Variants in CPS1 observed in about 807,000 individuals in gnomAD.
CPS1 encodes carbamoyl-phosphate synthase 1.
A neutral mutation model predicts 174.6 loss-of-function variants in CPS1; 109 were observed. The observed-to-expected ratio is 0.62, with a 90% CI of 0.53 to 0.73. The LOEUF (loss-of-function observed/expected upper bound fraction) is 0.73, where lower values mean the gene tolerates loss of function less well. Among genes scored for constraint, CPS1 ranks in the 30% least tolerant of loss-of-function variants. The probability of loss-of-function intolerance (pLI) is 0.00; values close to 1 mark genes in which losing one functional copy is unlikely to be tolerated. For synonymous variants in CPS1, 637 were observed against 632.0 expected, an observed-to-expected ratio of 1.01 and a Z score of -0.12; for missense variants, 1,689 against 1,821.9, an observed-to-expected ratio of 0.93 and a Z score of 1.33.
rs147288182 is a variant in CPS1 at position 210,606,999 on chromosome 2, A to G, written c.2192+58A>G. On this transcript the variant is annotated intron_variant, in intron 18 of 37. Coordinates refer to ENST00000233072, the MANE Select transcript of CPS1 (RefSeq NM_001875.5). ...GATTCTTTTCAGATAGAAATGAAAA[A>G]TTGACAGATAGTGGAAGACTGTACT... 4,542 of 1,494,758 alleles carry G rather than the reference A, an allele frequency of 3.0e-3. 13 individuals are homozygous for G. The highest frequency in any genetic ancestry group is 4.8e-3 in the Middle Eastern group (21 of 4,406). The allele number at this position is 1,494,758 out of a possible 1,614,324, so 92.6% of individuals were successfully genotyped here.
intron 1 of CPS1, among the ~76,000 whole-genome samples, chr2:210,527,733 A>G (rs912751596): frequency 1.4e-4 from 21 of 151,884 alleles, no homozygotes; most frequent in African/African-American, 4.8e-4. Flanking sequence ...TTACCCATGA[A>G]GTATCGTGGT....
intron 1 of CPS1, among the ~76,000 whole-genome samples, chr2:210,519,307 C>A (rs772338357): frequency 6.6e-5 from 10 of 152,018 alleles, no homozygotes; most frequent in African/African-American, 1.2e-4. Flanking sequence ...AATGAATAGA[C>A]TATGTGCATC....
intron 1 of CPS1, among the ~76,000 whole-genome samples, chr2:210,534,694 G>A (rs1226472747): frequency 2.0e-5 from 3 of 152,156 alleles, no homozygotes; most frequent in African/African-American, 7.2e-5. Context: ...TTCTGTTACT[G>A]AACTTAGGTC....
chr2:210,589,418 C>G (rs1391527395), intron 7 of CPS1, among the ~76,000 whole-genome samples: 1 of 151,866 alleles, frequency 6.6e-6, no homozygotes, highest in African/African-American at 2.4e-5. Context: ...TGAGAAAACC[C>G]TAGGAAAGAA....
intron 1 of CPS1, among the ~76,000 whole-genome samples, chr2:210,537,567 G>T (rs745485956): frequency 2.0e-5 from 3 of 152,218 alleles, no homozygotes; most frequent in Non-Finnish European, 2.9e-5. Context: ...TTCAAGTGCT[G>T]TTTAATTGCA....
At chr2:210,635,931 C>G (rs1700030871) in intron 21 of CPS1, among the ~76,000 whole-genome samples, 1 of 140,370 alleles carries the variant, frequency 7.1e-6, no homozygotes, top group Admixed American at 6.9e-5. Flanking sequence ...AGGGAAATAG[C>G]CATTATATAC....
chr2:210,512,925 TATATATATATGGAGAG>T lies in CPS1; in HGVS notation c.3+35175_3+35190del, dbSNP rs1263662916. Among the ~76,000 whole-genome samples, 88 of 60,340 alleles carry T rather than the reference TATATATATATGGAGAG, an allele frequency of 1.5e-3. 16 individuals carry two copies. Among genetic ancestry groups the T allele is most frequent in the African/African-American group, 3.5e-3 (55 of 15,894 alleles). 39.6% of individuals were successfully genotyped at this position (60,340 alleles called of 152,430 possible). ...ATATATGGAGATATATATATGGAGA[TATATATATATGGAGAG>T]ATATATATATGGAGATATATATATG... On this transcript the variant is annotated intron_variant, in intron 1 of 38. Transcript: ENST00000430249.
intron 24 of CPS1, among the ~76,000 whole-genome samples, chr2:210,640,541 T>C (rs965426073): frequency 3.3e-5 from 5 of 152,222 alleles, no homozygotes; most frequent in African/African-American, 1.2e-4. Flanking sequence ...TAGAGCATTA[T>C]GTAGGTGAAT....
chr2:210,639,242 A>G, intron 23 of CPS1, 27 bp downstream of exon 23: 2 of 1,498,296 alleles, frequency 1.3e-6, no homozygotes, highest in South Asian at 2.3e-5. Flanking sequence ...TGGCCTATCC[A>G]GAAAGCTCTA....
At chr2:210,616,569 C>T (rs1699314550) in intron 21 of CPS1, 28 bp downstream of exon 21, 1 of 1,279,796 alleles carries the variant, frequency 7.8e-7, no homozygotes, top group East Asian at 2.3e-5. Flanking sequence ...TCATTCATGC[C>T]AGACACCTTC....
rs973321068 is a variant in CPS1, at chr2:210,590,861, G to A, written c.902G>A (p.Gly301Glu). ...FGISTGNLIT[G>E]LAAGAKTYKM... ...ATCAGTACAGGAAACTTAATAACAG[G>A]ATTGGCTGCTGGTGCCAAAACCTAC... Residue 301 changes from glycine to glutamate, a missense_variant, in exon 9 of 38, where the codon GGA becomes GAA. Gly to Glu is a moderately conservative substitution (Grantham distance 98, BLOSUM62 -2). Transcript: ENST00000233072. 16 of 1,611,200 alleles carry A rather than the reference G, an allele frequency of 9.9e-6. No homozygotes were observed. The highest frequency in any genetic ancestry group is 1.3e-5 in the Non-Finnish European group (15 of 1,178,274).
intron 25 of CPS1, among the ~76,000 whole-genome samples, chr2:210,643,217 T>TA (rs1285733196): frequency 6.6e-6 from 1 of 152,190 alleles, no homozygotes; most frequent in African/African-American, 2.4e-5. Flanking sequence ...AGCTTTCACT[T>TA]ACAGTTGTTC....
At chr2:210,478,249 A>C (rs919896930) in intron 1 of CPS1, among the ~76,000 whole-genome samples, 1 of 152,116 alleles carries the variant, frequency 6.6e-6, no homozygotes, top group African/African-American at 2.4e-5. Context: ...CCAACATATC[A>C]ATTGTTTCTG....
intron 34 of CPS1, 200 bp from the exon 35 acceptor site, chr2:210,674,702 A>G (rs1701462241): frequency 1.6e-6 from 1 of 606,218 alleles, no homozygotes; most frequent in Non-Finnish European, 3.0e-6. Flanking sequence ...GATTATGTGG[A>G]TGGAATTTCA....
At chr2:210,590,282 T>G in intron 8 of CPS1, 48 bp downstream of exon 8, 1 of 1,611,248 alleles carries the variant, frequency 6.2e-7, no homozygotes, top group Non-Finnish European at 8.5e-7. Context: ...AGGTGGGGGC[T>G]TCCGCTCTAT....
chr2:210,577,869 G>A (rs1458834092), intron 4 of CPS1, among the ~76,000 whole-genome samples: 2 of 151,944 alleles, frequency 1.3e-5, no homozygotes, highest in East Asian at 3.9e-4. Context: ...TGCTTCATGG[G>A]TTCTAGTGTT....
Position 210,573,305 on chromosome 2 carries a change from C to G in CPS1, c.134C>G (p.Thr45Arg). 1 of 1,612,728 alleles carries G rather than the reference C, an allele frequency of 6.2e-7. No individual in the cohort carries two copies. The highest frequency in any genetic ancestry group is 8.5e-7 in the Non-Finnish European group (1 of 1,178,832). The change falls in exon 2 of 38, where the codon ACA becomes AGA. Residue 45 changes from threonine (T) to arginine (R), a missense_variant. Coordinates refer to ENST00000233072, the MANE Select transcript of CPS1 (RefSeq NM_001875.5). Reference sequence around the variant, plus strand: ...ATGCAACTGTTTCTTCAGGCACAGACAGCACACATTGTCCTGGAAGATGGA... The same window carrying G: ...ATGCAACTGTTTCTTCAGGCACAGAGAGCACACATTGTCCTGGAAGATGGA... ...GIRLLSVKAQ[T>R]AHIVLEDGTK...
intron 23 of CPS1, among the ~76,000 whole-genome samples, chr2:210,639,475 G>A (rs1162556969): frequency 2.0e-5 from 3 of 151,168 alleles, no homozygotes; most frequent in Non-Finnish European, 4.4e-5. Context: ...AGCCGGGCGC[G>A]GTGGCGGGCG....
chr2:210,577,227 T>A (rs2106081220), intron 3 of CPS1, 194 bp from the exon 4 acceptor site: 1 of 603,844 alleles, frequency 1.7e-6, no homozygotes, highest in Middle Eastern at 4.5e-4. Context: ...CTGCTCCCTC[T>A]CAGGATAATT....
Sources: allele counts gnomAD v4.1 joint callset (sites outside exome capture counted in the v4.1 genomes callset), GRCh38; gene constraint gnomAD v4.1.1; transcripts MANE v1.5; gene names NCBI Gene and HGNC (gene_info 2026-07-23, HGNC 2026-07-21).